The following CA11 variants were observed in gnomAD, a reference collection of about 807,000 sequenced individuals.
CA11 encodes carbonic anhydrase-related protein 11.
In CA11, 20 loss-of-function variants were observed where a neutral mutation model predicts 39.3. The observed-to-expected ratio is 0.51, with a 90% CI of 0.36 to 0.74. The LOEUF is 0.74. CA11 is among the 30% of genes least tolerant of loss of function. CA11 has a pLI of 0.00. For missense variants in CA11, 336 were observed against 424.6 expected, an observed-to-expected ratio of 0.79 and a Z score of 1.83; for synonymous variants, 166 against 172.5, an observed-to-expected ratio of 0.96 and a Z score of 0.29.
Position 48,640,990 on chromosome 19 carries a change from T to G in CA11, c.286-710A>C, listed in dbSNP as rs377570952. Among the ~76,000 whole-genome samples the G allele has an allele frequency of 4.8e-3, 723 of 149,414 alleles. 4 individuals carry two copies. Among genetic ancestry groups the G allele is most frequent in the African/African-American group, 0.013 (548 of 40,988 alleles). ...CGCCCGGCTTTTTGTTTTTGTTTTT[T>G]TTTTTTTTAAATAGAATCTCACTCT... On this transcript the variant is annotated intron_variant, in intron 3 of 8. Transcript: ENST00000084798.
chr19:48,641,558 G>A (rs1003796977), intron 3 of CA11, among the ~76,000 whole-genome samples: 4 of 152,204 alleles, frequency 2.6e-5, no homozygotes, highest in Non-Finnish European at 5.9e-5. Context: ...ATGTTTGGGG[G>A]AACTGGGAGC....
intron 2 of CA11, 111 bp from the exon 3 acceptor site, chr19:48,644,680 A>G: frequency 1.1e-6 from 1 of 880,866 alleles, no homozygotes. Flanking sequence ...CCAGGGGAGG[A>G]GGGGCTAGGG....
Position 48,645,665 on chromosome 19 carries a change from C to G in CA11, c.-33G>C. ...AGGCCTCCGAGGGACCCCTGCCCAACGCCCTGCCCCCCTCTCTCAGCTCCT... is the reference window on the plus strand; with the variant it reads ...AGGCCTCCGAGGGACCCCTGCCCAAGGCCCTGCCCCCCTCTCTCAGCTCCT... On this transcript the variant is annotated 5_prime_UTR_variant, in exon 1 of 9. Coordinates refer to ENST00000084798, the MANE Select transcript of CA11 (RefSeq NM_001217.5). The G allele has an allele frequency of 6.8e-7, 1 of 1,480,706 alleles. No individual in the cohort carries two copies. The allele number at this position is 1,480,706 out of a possible 1,614,324, so 91.7% of individuals were successfully genotyped here. A position where few individuals can be genotyped will look rare whatever the true frequency, so the allele number is the denominator to read the frequency against.
Position 48,640,227 on chromosome 19 carries a change from G to T in CA11, c.339C>A (p.Pro113=). The T allele has an allele frequency of 6.2e-7, 1 of 1,614,102 alleles. No individual in the cohort carries two copies. The highest frequency in any genetic ancestry group is 8.5e-7 in the Non-Finnish European group (1 of 1,180,016). ...TGRHVSFLPA[P]RPVVNVSGGP... Reference sequence around the variant, plus strand: ...CTCCAGACACATTGACCACAGGTCGGGGTGCAGGCAGGAAGGAGACATGTC... The same window carrying T: ...CTCCAGACACATTGACCACAGGTCGTGGTGCAGGCAGGAAGGAGACATGTC... The change falls in exon 4 of 9, where the codon CCC becomes CCA. Residue 113 remains proline (P), a synonymous_variant. Coordinates refer to ENST00000084798, the MANE Select transcript of CA11 (RefSeq NM_001217.5).
rs899751865 is a variant in CA11 at position 48,646,025 on chromosome 19, T to TCTC, written c.-396_-394dup. The TCTC allele has an allele frequency of 7.6e-5, 30 of 393,616 alleles. No homozygotes were observed. Among genetic ancestry groups the TCTC allele is most frequent in the South Asian group, 1.1e-4 (1 of 9,130 alleles). The allele number at this position is 393,616 out of a possible 1,614,324, so 24.4% of individuals were successfully genotyped here. On this transcript the variant is annotated 5_prime_UTR_variant, in exon 1 of 9. Transcript: ENST00000084798. ...CCTAACTCCAGGTCTCCATCCCGCA[T>TCTC]CTCCTCCTCCTCCTCCCTCTCTCCT...
chr19:48,646,093 C>T lies in CA11; in HGVS notation c.-461G>A, dbSNP rs559348029. The T allele has an allele frequency of 6.5e-6, 2 of 307,842 alleles. No individual in the cohort carries two copies. The highest frequency in any genetic ancestry group is 1.0e-4 in the East Asian group (2 of 19,180). The allele number at this position is 307,842 out of a possible 1,614,324, so 19.1% of individuals were successfully genotyped here. A position where few individuals can be genotyped will look rare whatever the true frequency, so the allele number is the denominator to read the frequency against. The stretch of plus-strand genomic sequence containing the variant: ...TCTCCCCTCTCTCCTTCTTCACCTC[C>T]TCCCGCCCTCCCTCAGTGTCGGCCT... On this transcript the variant is annotated 5_prime_UTR_variant, in exon 1 of 9. Coordinates refer to ENST00000084798, the MANE Select transcript of CA11 (RefSeq NM_001217.5).
chr19:48,640,665 C>A lies in CA11; in HGVS notation c.286-385G>T, dbSNP rs1259187454. Among the ~76,000 whole-genome samples the A allele has an allele frequency of 7.3e-5, 11 of 150,218 alleles. No individual in the cohort carries two copies. The East Asian group carries it at 2.2e-3, about 30-fold the overall frequency. On this transcript the variant is annotated intron_variant, in intron 3 of 8. Coordinates refer to ENST00000084798, the MANE Select transcript of CA11 (RefSeq NM_001217.5). ...CTGGGATTACAGGCGTGAGCCACCGCACCCGGTCTTTTTTTTTTTTCTGGG... is the reference window on the plus strand; with the variant it reads ...CTGGGATTACAGGCGTGAGCCACCGAACCCGGTCTTTTTTTTTTTTCTGGG...
rs1381668437 is a variant in CA11 at position 48,640,804 on chromosome 19, G to A, written c.286-524C>T. Among the ~76,000 whole-genome samples the A allele has an allele frequency of 4.6e-5, 7 of 151,368 alleles. No homozygotes were observed. The East Asian group carries it at 9.7e-4, about 21-fold the overall frequency. On this transcript the variant is annotated intron_variant, in intron 3 of 8. Coordinates refer to ENST00000084798, the MANE Select transcript of CA11 (RefSeq NM_001217.5). ...ATTCTCCTGCCTCAGCCTCCAGAGT[G>A]GCTGGGACTACAGGCGCCCGCCACC...
chr19:48,645,577 A>G lies in CA11; in HGVS notation c.56T>C (p.Leu19Pro). Residue 19 changes from leucine to proline, a missense_variant, in exon 1 of 9, where the codon CTG becomes CCG. Physicochemically the swap from Leu to Pro is moderately conservative, Grantham distance 98. Coordinates refer to ENST00000084798, the MANE Select transcript of CA11 (RefSeq NM_001217.5). The part of the protein sequence containing the change: ...APRALVLWAA[L>P]GAAAHIGPAP... ...ACCCCAGGTCTTACCTGCTGCCCCC[A>G]GTGCAGCCCAGAGTACCAGCGCTCG... 2 of 1,605,078 alleles carry G rather than the reference A, an allele frequency of 1.2e-6. No individual in the cohort carries two copies. Among genetic ancestry groups the G allele is most frequent in the Non-Finnish European group, 1.7e-6 (2 of 1,175,988 alleles).
rs938207525 is a variant in CA11, at chr19:48,638,445, AG to A, written c.962-302del. ...GTGTGAGATTCCTGGGCTAAACCACAGGGAGGCAGAGGTGGAGGGAAGGGGT... is the reference window on the plus strand; with the variant it reads ...GTGTGAGATTCCTGGGCTAAACCACAGGAGGCAGAGGTGGAGGGAAGGGGT... On this transcript the variant is annotated intron_variant, in intron 8 of 8. Transcript: ENST00000084798. 13 of 976,218 alleles carry A rather than the reference AG, an allele frequency of 1.3e-5. No homozygotes were observed. In the African/African-American group the frequency reaches 1.9e-4, roughly 14 times the overall value. 60.5% of individuals were successfully genotyped at this position (976,218 alleles called of 1,614,324 possible).
chr19:48,643,429 C>G lies in CA11; in HGVS notation c.285+998G>C, dbSNP rs934515568. On this transcript the variant is annotated intron_variant, in intron 3 of 8. Coordinates refer to ENST00000084798, the MANE Select transcript of CA11 (RefSeq NM_001217.5). The surrounding 1 kb of genome is among the most constrained non-coding windows in gnomAD (Gnocchi z 4.3). ...TTCACCATGTTGGCCAGGCTGATCT[C>G]GAACTCCTAACCTCGTGATCCACCC... Among the ~76,000 whole-genome samples the G allele has an allele frequency of 5.5e-5, 8 of 144,280 alleles. No individual in the cohort carries two copies. The highest frequency in any genetic ancestry group is 6.7e-5 in the Admixed American group (1 of 14,872). The allele number at this position is 144,280 out of a possible 152,430, so 94.7% of individuals were successfully genotyped here.
chr19:48,643,701 G>C lies in CA11; in HGVS notation c.285+726C>G, dbSNP rs181977778. The stretch of plus-strand genomic sequence containing the variant: ...CAGGTCCCAGCATTCATGCTACGCT[G>C]CTTGGTTTGAATGCCAGTGCTGGCT... On this transcript the variant is annotated intron_variant, in intron 3 of 8. Transcript: ENST00000084798. The surrounding 1 kb of genome is among the most constrained non-coding windows in gnomAD (Gnocchi z 4.3). Among the ~76,000 whole-genome samples, 270 of 152,062 alleles carry C rather than the reference G, an allele frequency of 1.8e-3. 1 individual carries two copies. Among genetic ancestry groups the C allele is most frequent in the Non-Finnish European group, 2.9e-3 (200 of 68,022 alleles).
At chr19:48,645,082 G>T (rs1183392906) in intron 2 of CA11, among the ~76,000 whole-genome samples, 1 of 152,100 alleles carries the variant, frequency 6.6e-6, no homozygotes, top group Non-Finnish European at 1.5e-5. Flanking sequence ...GCAAGAGAAG[G>T]CTGGACAAGG....
Position 48,639,888 on chromosome 19 carries a change from G to A in CA11, c.472-5C>T. The A allele has an allele frequency of 1.2e-6, 2 of 1,613,282 alleles. No homozygotes were observed. The highest frequency in any genetic ancestry group is 1.7e-6 in the Non-Finnish European group (2 of 1,179,322). On this transcript the variant is annotated splice_region_variant and splice_polypyrimidine_tract_variant and intron_variant, in intron 4 of 8. Coordinates refer to ENST00000084798, the MANE Select transcript of CA11 (RefSeq NM_001217.5). ...GTTGAAGTGAATGAGCTGCACCTGGGGGTAGCACAGAGCATGGGGTCCCCC... is the reference window on the plus strand; with the variant it reads ...GTTGAAGTGAATGAGCTGCACCTGGAGGTAGCACAGAGCATGGGGTCCCCC...
rs371419856 is a variant in CA11, at chr19:48,640,051, G to A, written c.471+44C>T. 9.4e-6 allele frequency: 15 copies of A among 1,590,192 alleles called. No individual in the cohort carries two copies. The African/African-American group carries it at 1.9e-4, about 20-fold the overall frequency. On this transcript the variant is annotated intron_variant, in intron 4 of 8. Transcript: ENST00000084798. ...AGGGTGAGGTGGGAGGAATTGGGGT[G>A]ACTCAGGGCGGAGGGTGGCGGGTAA...
At chr19:48,639,909 C>T (rs1231719133) in intron 4 of CA11, 26 bp from the exon 5 acceptor site, 7 of 1,599,854 alleles carry the variant, frequency 4.4e-6, no homozygotes, top group Non-Finnish European at 5.1e-6. Context: ...AGCATGGGGT[C>T]CCCCAGCAGA....
intron 3 of CA11, among the ~76,000 whole-genome samples, chr19:48,642,867 G>C (rs2031131674): frequency 6.6e-6 from 1 of 152,164 alleles, no homozygotes; most frequent in Non-Finnish European, 1.5e-5. Flanking sequence ...GAGAGGATAG[G>C]ATGGGGAATG....
intron 2 of CA11, 103 bp from the exon 3 acceptor site, chr19:48,644,672 A>C (rs2031193013): frequency 1.0e-6 from 1 of 963,032 alleles, no homozygotes; most frequent in African/African-American, 1.7e-5. Flanking sequence ...CCCAGATCCC[A>C]GGGGAGGAGG....
chr19:48,641,846 G>A (rs1182541135), intron 3 of CA11, among the ~76,000 whole-genome samples: 1 of 45,258 alleles, frequency 2.2e-5, no homozygotes. Flanking sequence ...TTTTTTTTTT[G>A]GTAGAGAGGG....
Sources: allele counts gnomAD v4.1 joint callset (sites outside exome capture counted in the v4.1 genomes callset), GRCh38; gene constraint gnomAD v4.1.1; non-coding constraint Gnocchi (gnomAD v3.1); transcripts MANE v1.5; gene names NCBI Gene and HGNC (gene_info 2026-07-23, HGNC 2026-07-21).